Variants in SHANK1 observed in about 807,000 individuals in gnomAD.
SHANK1 encodes the protein SH3 and multiple ankyrin repeat domains 1, also known as SH3 and multiple ankyrin repeat domains protein 1.
Under a neutral mutation model 165.6 loss-of-function variants are expected in SHANK1, and 35 were observed. The observed-to-expected ratio is 0.21, with a 90% CI of 0.16 to 0.28. The LOEUF (loss-of-function observed/expected upper bound fraction) is 0.28, where lower values mean the gene tolerates loss of function less well. Among genes scored for constraint, SHANK1 ranks in the 10% least tolerant of loss-of-function variants. The probability of loss-of-function intolerance (pLI) is 1.00; values close to 1 mark genes in which losing one functional copy is unlikely to be tolerated. For missense variants in SHANK1, 2,681 were observed against 3,036.4 expected (o/e 0.88, Z 2.75); for synonymous variants, 1,428 against 1,384.8 (o/e 1.03, Z -0.69).
At position 50,662,710 on chromosome 19, in the gene SHANK1, G is replaced by T. The variant is rs1356948539; in HGVS notation, c.5769-28C>A. Reference sequence around the variant, plus strand: ...GGAATGTGACAAGGGGGCAGTGGGGGAGGACAGGGATTTAGGGGGCAAGGG... The same window carrying T: ...GGAATGTGACAAGGGGGCAGTGGGGTAGGACAGGGATTTAGGGGGCAAGGG... On this transcript the variant is annotated intron_variant, in intron 23 of 23. Coordinates refer to ENST00000293441, the MANE Select transcript of SHANK1 (RefSeq NM_016148.5). The surrounding 1 kb of genome is among the most constrained non-coding windows in gnomAD (Gnocchi z 7.7). The T allele has an allele frequency of 6.4e-7, 1 of 1,552,878 alleles. No individual in the cohort carries two copies. The highest frequency in any genetic ancestry group is 8.7e-7 in the Non-Finnish European group (1 of 1,147,884).
chr19:50,714,307 GAGAGAGA>G lies in SHANK1; in HGVS notation c.532-24_532-18del, dbSNP rs2089044450. The G allele has an allele frequency of 6.2e-7, 1 of 1,609,944 alleles. No homozygotes were observed. The highest frequency in any genetic ancestry group is 1.1e-5 in the South Asian group (1 of 90,896). On this transcript the variant is annotated intron_variant, in intron 4 of 23. Transcript: ENST00000293441. ...CAACCCCGTCTGAGCCATGGGCAAAGAGAGAGAAGACAGGACAGTCAGGAGCAAGGCA... is the reference window on the plus strand; with the variant it reads ...CAACCCCGTCTGAGCCATGGGCAAAGAGACAGGACAGTCAGGAGCAAGGCA...
Position 50,666,996 on chromosome 19 carries a change from G to A in SHANK1, c.4964C>T (p.Ala1655Val). 1.3e-6 allele frequency: 2 copies of A among 1,570,464 alleles called. No homozygotes were observed. Among genetic ancestry groups the A allele is most frequent in the Non-Finnish European group, 1.7e-6 (2 of 1,158,986 alleles). Residue 1655 changes from alanine (A) to valine (V), a missense_variant, in exon 23 of 24, where the codon GCA becomes GTA. Around this residue, in one of 10 missense-constraint regions of SHANK1, gnomAD observed 1,713 missense variants for 1,630.2 expected, o/e 1.05. Transcript: ENST00000293441. The part of the protein sequence containing the change: ...PHPPGPPAPA[A>V]PAPAAPQPGP... Reference sequence around the variant, plus strand: ...AGGCTGTGGGGCAGCGGGAGCCGGTGCTGCTGGGGCAGGCGGGCCTGGTGG... The same window carrying A: ...AGGCTGTGGGGCAGCGGGAGCCGGTACTGCTGGGGCAGGCGGGCCTGGTGG...
Position 50,666,999 on chromosome 19 carries a change from G to A in SHANK1, c.4961C>T (p.Ala1654Val), listed in dbSNP as rs780865669. ...CTGTGGGGCAGCGGGAGCCGGTGCT[G>A]CTGGGGCAGGCGGGCCTGGTGGATG... ...DPHPPGPPAPAAPAPAAPQPG... is the reference protein window; with the variant it reads ...DPHPPGPPAPVAPAPAAPQPG... The change falls in exon 23 of 24, where the codon GCA becomes GTA. Residue 1654 changes from alanine to valine, a missense_variant. Ala to Val is a moderately conservative substitution (Grantham distance 64). Transcript: ENST00000293441. 1.9e-6 allele frequency: 3 copies of A among 1,566,278 alleles called. No individual in the cohort carries two copies. Among genetic ancestry groups the A allele is most frequent in the South Asian group, 2.4e-5 (2 of 83,982 alleles).
Position 50,697,053 on chromosome 19 carries a change from T to A in SHANK1, c.1964+43A>T. 6.9e-7 allele frequency: 1 copy of A among 1,454,746 alleles called. No homozygotes were observed. Among genetic ancestry groups the A allele is most frequent in the Non-Finnish European group, 9.5e-7 (1 of 1,054,234 alleles). 90.1% of individuals were successfully genotyped at this position (1,454,746 alleles called of 1,614,324 possible). ...CACACGCCCCCCAGGCACCCCGTCC[T>A]TCCCCTCCTGACCCCATCCCCTCCC... On this transcript the variant is annotated intron_variant, in intron 15 of 23. Transcript: ENST00000293441. This position sits in a 1 kb window ranked among gnomAD's most constrained non-coding sequence, Gnocchi z 4.7.
chr19:50,664,830 C>T (rs140421641), intron 23 of SHANK1, among the ~76,000 whole-genome samples: 1 of 152,358 alleles, frequency 6.6e-6, no homozygotes, highest in African/African-American at 2.4e-5. Context: ...TCTTGGCTCA[C>T]TGCAACCTCG....
intron 21 of SHANK1, among the ~76,000 whole-genome samples, chr19:50,679,555 G>T (rs991690091): frequency 6.6e-6 from 1 of 152,162 alleles, no homozygotes; most frequent in African/African-American, 2.4e-5. Context: ...AGAGTGCGCA[G>T]CCTTGCATGA....
chr19:50,677,340 C>G (rs937837907), intron 21 of SHANK1, among the ~76,000 whole-genome samples: 1 of 152,108 alleles, frequency 6.6e-6, no homozygotes, highest in African/African-American at 2.4e-5. Context: ...GTTGCCCAGG[C>G]TTGTCTTGAA....
Position 50,697,018 on chromosome 19 carries a change from C to T in SHANK1, c.1964+78G>A, listed in dbSNP as rs931563786. On this transcript the variant is annotated intron_variant, in intron 15 of 23. Transcript: ENST00000293441. This position sits in a 1 kb window ranked among gnomAD's most constrained non-coding sequence, Gnocchi z 4.7. ...CCAAGAAACCTCAGCTCTGGTCGTG[C>T]ACACACGTTCACACGCCCCCCAGGC... The T allele has an allele frequency of 2.5e-6, 3 of 1,186,474 alleles. No individual in the cohort carries two copies. The Admixed American group carries it at 5.1e-5, about 20-fold the overall frequency. 73.5% of individuals were successfully genotyped at this position (1,186,474 alleles called of 1,614,324 possible).
intron 18 of SHANK1, 81 bp downstream of exon 18, chr19:50,687,842 G>A (rs1466868787): frequency 2.6e-6 from 4 of 1,568,192 alleles, no homozygotes; most frequent in Non-Finnish European, 3.5e-6. Flanking sequence ...AAGGCCTTGG[G>A]CAGCAGCAAC....
Position 50,667,881 on chromosome 19 carries a change from C to T in SHANK1, c.4079G>A (p.Arg1360His). The change falls in exon 23 of 24, where the codon CGC (arginine) becomes CAC (histidine). Residue 1360 changes from arginine (R) to histidine (H), a missense_variant. Arg to His is a conservative substitution (Grantham distance 29). This residue lies in a region of SHANK1 where 1,713 missense variants were observed against 1,630.2 expected (regional missense o/e 1.05). Coordinates refer to ENST00000293441, the MANE Select transcript of SHANK1 (RefSeq NM_016148.5). This position sits in a 1 kb window ranked among gnomAD's most constrained non-coding sequence, Gnocchi z 5.7. The part of the protein sequence containing the change: ...ASPLGLALAA[R>H]ERALKESSEG... ...CGAGGACTCCTTCAGCGCTCGCTCGCGGGCGGCCAGGGCCAGCCCCAGCGG... is the reference window on the plus strand; with the variant it reads ...CGAGGACTCCTTCAGCGCTCGCTCGTGGGCGGCCAGGGCCAGCCCCAGCGG... 7.6e-7 allele frequency: 1 copy of T among 1,317,038 alleles called. No homozygotes were observed. The highest frequency in any genetic ancestry group is 9.6e-7 in the Non-Finnish European group (1 of 1,037,128). 81.6% of individuals were successfully genotyped at this position (1,317,038 alleles called of 1,614,324 possible).
At position 50,688,588 on chromosome 19, in the gene SHANK1, G is replaced by A. The variant is rs939227080; in HGVS notation, c.2172+256C>T. Among the ~76,000 whole-genome samples, 6 of 152,184 alleles carry A rather than the reference G, an allele frequency of 3.9e-5. No homozygotes were observed. Among genetic ancestry groups the A allele is most frequent in the East Asian group, 1.9e-4 (1 of 5,186 alleles). ...CTCCCAAAGCACTGGGATCACAGGC[G>A]TGAGCCGCTGTGCCTGGCCATCCCC... On this transcript the variant is annotated intron_variant, in intron 17 of 23. Coordinates refer to ENST00000293441, the MANE Select transcript of SHANK1 (RefSeq NM_016148.5). This position sits in a 1 kb window ranked among gnomAD's most constrained non-coding sequence, Gnocchi z 6.7.
intron 21 of SHANK1, among the ~76,000 whole-genome samples, chr19:50,674,208 C>T (rs1331351279): frequency 6.6e-6 from 1 of 151,832 alleles, no homozygotes; most frequent in Non-Finnish European, 1.5e-5. Flanking sequence ...CCTACTGAGT[C>T]CCCGGTCCCC....
chr19:50,694,097 A>G (rs1164755160), intron 15 of SHANK1, among the ~76,000 whole-genome samples: 1 of 151,964 alleles, frequency 6.6e-6, no homozygotes, highest in Non-Finnish European at 1.5e-5. Context: ...TCCAAGTCAT[A>G]CAGAGACAGA....
At position 50,702,416 on chromosome 19, in the gene SHANK1, G is replaced by A; in HGVS notation, c.1747+51C>T. 1 of 1,512,676 alleles carries A rather than the reference G, an allele frequency of 6.6e-7. No individual in the cohort carries two copies. The highest frequency in any genetic ancestry group is 8.9e-7 in the Non-Finnish European group (1 of 1,117,414). The allele number at this position is 1,512,676 out of a possible 1,614,324, so 93.7% of individuals were successfully genotyped here. A position where few individuals can be genotyped will look rare whatever the true frequency, so the allele number is the denominator to read the frequency against. The stretch of plus-strand genomic sequence containing the variant: ...CTGCTCTCTGCTCCACATTTTCCCT[G>A]ATCGCCCCCACAGCCCAGCCCAGCC... On this transcript the variant is annotated intron_variant, in intron 12 of 23. Transcript: ENST00000293441. The surrounding 1 kb of genome is among the most constrained non-coding windows in gnomAD (Gnocchi z 5.3).
At chr19:50,683,076 C>T (rs1032288296) in intron 21 of SHANK1, among the ~76,000 whole-genome samples, 1 of 152,198 alleles carries the variant, frequency 6.6e-6, no homozygotes, top group Non-Finnish European at 1.5e-5. Flanking sequence ...CAGGGATCAG[C>T]CAGCCTCAGC....
Position 50,712,645 on chromosome 19 carries a change from G to C in SHANK1, c.793-531C>G, listed in dbSNP as rs564798437. ...AGGCCACTTCCTGCCCCCACTTGAA[G>C]GACAGCTCTGGGTGTGGAAGGCTGG... On this transcript the variant is annotated intron_variant, in intron 6 of 23. Coordinates refer to ENST00000293441, the MANE Select transcript of SHANK1 (RefSeq NM_016148.5). Among the ~76,000 whole-genome samples the C allele has an allele frequency of 3.0e-3, 452 of 152,340 alleles. 7 individuals carry two copies. Among genetic ancestry groups the C allele is most frequent in the African/African-American group, 0.01 (426 of 41,576 alleles).
rs1435454073 is a variant in SHANK1 at position 50,660,994 on chromosome 19, G to A, written c.*971C>T. On this transcript the variant is annotated 3_prime_UTR_variant, in exon 24 of 24. Coordinates refer to ENST00000293441, the MANE Select transcript of SHANK1 (RefSeq NM_016148.5). Reference sequence around the variant, plus strand: ...GAGAGGGGAGAGTTGGGGAGTGGAAGAATCTGGGGTTTTTAAGAATAAGAA... The same window carrying A: ...GAGAGGGGAGAGTTGGGGAGTGGAAAAATCTGGGGTTTTTAAGAATAAGAA... Among the ~76,000 whole-genome samples, 1 of 151,930 alleles carries A rather than the reference G, an allele frequency of 6.6e-6. No individual in the cohort carries two copies. Among genetic ancestry groups the A allele is most frequent in the East Asian group, 1.9e-4 (1 of 5,188 alleles).
rs1985557974 is a variant in SHANK1, at chr19:50,667,089, A to G, written c.4871T>C (p.Leu1624Pro). The stretch of plus-strand genomic sequence containing the variant: ...GGCCACCTCGCTGTCATAGGATGTC[A>G]GGCTGGATGCGGTGGAGTCCAGGGT... ...PPTLDSTASS[L>P]TSYDSEVATL... The change falls in exon 23 of 24, where the codon CTG becomes CCG. Residue 1624 changes from leucine (L) to proline (P), a missense_variant. Leu to Pro is a moderately conservative substitution (Grantham distance 98). Around this residue, in one of 10 missense-constraint regions of SHANK1, gnomAD observed 1,713 missense variants for 1,630.2 expected, o/e 1.05. Transcript: ENST00000293441. The surrounding 1 kb of genome is among the most constrained non-coding windows in gnomAD (Gnocchi z 5.7). The G allele has an allele frequency of 6.4e-7, 1 of 1,557,290 alleles. No individual in the cohort carries two copies.
In SHANK1 at chr19:50,719,684, G is replaced by C. The variant is rs951642786; in HGVS notation, c.-322C>G. Among the ~76,000 whole-genome samples the C allele has an allele frequency of 2.0e-5, 3 of 147,158 alleles. No homozygotes were observed. Among genetic ancestry groups the C allele is most frequent in the Non-Finnish European group, 4.5e-5 (3 of 66,210 alleles). On this transcript the variant is annotated 5_prime_UTR_variant, in exon 1 of 24. Transcript: ENST00000293441. ...CGCCCGCCCCCGGCTCGGTCCGGCC[G>C]GCTCCGGGCGCCGCGTCTCCGCCTG...
Sources: gnomAD v4.1 joint callset for allele counts (sites outside exome capture counted in the v4.1 genomes callset) on GRCh38, gnomAD v4.1.1 for gene constraint, gnomAD v4.1.1 regional missense constraint, Gnocchi (gnomAD v3.1) non-coding constraint, MANE v1.5 for transcripts, NCBI Gene and HGNC (gene_info 2026-07-23, HGNC 2026-07-21) for gene names.